DGKB: variants seen among roughly 807,000 people sequenced by gnomAD.
The protein encoded by DGKB is diacylglycerol kinase beta.
A neutral mutation model predicts 114.3 loss-of-function variants in DGKB; 67 were observed. That is an observed-to-expected ratio of 0.59 (90% CI 0.48 to 0.72). The LOEUF is 0.72. DGKB is among the 30% of genes least tolerant of loss of function. The probability of loss-of-function intolerance (pLI) is 0.00; values close to 1 mark genes in which losing one functional copy is unlikely to be tolerated. For synonymous variants in DGKB, 398 were observed against 323.1 expected (o/e 1.23, Z -2.49); for missense variants, 907 against 975.2 (o/e 0.93, Z 0.93).
At chr7:14,255,870 C>A (rs1191384402) in intron 23 of DGKB, among the ~76,000 whole-genome samples, 7 of 152,154 alleles carry the variant, frequency 4.6e-5, no homozygotes, top group Admixed American at 4.6e-4. Context: ...TGTGCTCCAA[C>A]CCCAACAAAC....
Position 14,722,997 on chromosome 7 carries a change from CTTTATTTA to C in DGKB, c.323-4320_323-4313del, listed in dbSNP as rs61621101. Among the ~76,000 whole-genome samples the C allele has an allele frequency of 3.2e-4, 47 of 148,060 alleles. No homozygotes were observed. In the South Asian group the frequency reaches 4.7e-3, roughly 15 times the overall value. On this transcript the variant is annotated intron_variant, in intron 5 of 25. Coordinates refer to ENST00000402815, the MANE Select transcript of DGKB (RefSeq NM_001350709.2). ...AGTTATTTTTACACCCTACTCTACC[CTTTATTTA>C]TTTATTTATTTATTTATTCATTTTT...
At chr7:14,837,070 T>C (rs1847263718) in intron 2 of DGKB, among the ~76,000 whole-genome samples, 1 of 152,252 alleles carries the variant, frequency 6.6e-6, no homozygotes, top group Admixed American at 6.5e-5. Context: ...ATACTTCATA[T>C]ATACTGATTC....
chr7:14,234,600 TTAA>T (rs1449140856), intron 23 of DGKB, among the ~76,000 whole-genome samples: 3 of 152,088 alleles, frequency 2.0e-5, no homozygotes, highest in African/African-American at 7.2e-5. Flanking sequence ...AAACATAGAT[TTAA>T]TAATCTGAAT....
At chr7:14,605,726 A>C (rs766236315) in intron 17 of DGKB, among the ~76,000 whole-genome samples, 6 of 152,102 alleles carry the variant, frequency 3.9e-5, no homozygotes, top group Admixed American at 6.6e-5. Flanking sequence ...GCTAAAATCA[A>C]ATTTATTCCA....
intron 1 of DGKB, among the ~76,000 whole-genome samples, chr7:14,961,941 T>C (rs1271452266): frequency 6.6e-6 from 1 of 152,110 alleles, no homozygotes; most frequent in African/African-American, 2.4e-5. Flanking sequence ...CAGCCCAAAG[T>C]ATTGCACACT....
At chr7:14,577,274 A>AT (rs1177387000) in intron 19 of DGKB, among the ~76,000 whole-genome samples, 1 of 152,168 alleles carries the variant, frequency 6.6e-6, no homozygotes, top group Non-Finnish European at 1.5e-5. Context: ...AGTCATAGAA[A>AT]TTTTTGCAAA....
At chr7:14,190,706 G>A (rs144230939) in intron 23 of DGKB, 1 of 152,138 alleles carries the variant, frequency 6.6e-6, no homozygotes, top group African/African-American at 2.4e-5. Flanking sequence ...CAAGGATGAA[G>A]TAGGAGATAT....
At chr7:14,169,415 T>C (rs1157765180) in intron 25 of DGKB, among the ~76,000 whole-genome samples, 1 of 150,000 alleles carries the variant, frequency 6.7e-6, no homozygotes, top group Non-Finnish European at 1.5e-5. Flanking sequence ...AGATAACTAC[T>C]GGAAGAAGCC....
chr7:14,170,738 ACT>A, intron 25 of DGKB, among the ~76,000 whole-genome samples: 1 of 152,200 alleles, frequency 6.6e-6, no homozygotes, highest in East Asian at 1.9e-4. Context: ...GCTCCAGAAT[ACT>A]GTTTTTCTTT....
At chr7:14,213,091 T>A (rs1370862370) in intron 23 of DGKB, among the ~76,000 whole-genome samples, 1 of 152,046 alleles carries the variant, frequency 6.6e-6, no homozygotes, top group Non-Finnish European at 1.5e-5. Context: ...AATATATCAG[T>A]TTTGTATATC....
chr7:14,903,788 G>T (rs1178612889), upstream of DGKB, among the ~76,000 whole-genome samples: 1 of 152,178 alleles, frequency 6.6e-6, no homozygotes, highest in Non-Finnish European at 1.5e-5. Context: ...TAAGAAAAAT[G>T]TAAGTAAGTC....
intron 20 of DGKB, among the ~76,000 whole-genome samples, chr7:14,561,859 G>A (rs542789152): frequency 6.6e-6 from 1 of 152,224 alleles, no homozygotes; most frequent in South Asian, 2.1e-4. Flanking sequence ...ATTCAAGCCT[G>A]CTGCAGAAAT....
chr7:14,942,431 T>G (rs993700063), intron 1 of DGKB, among the ~76,000 whole-genome samples: 2 of 151,980 alleles, frequency 1.3e-5, no homozygotes, highest in Admixed American at 1.3e-4. Context: ...ATATTTATAT[T>G]ATTAATATTA....
intron 5 of DGKB, among the ~76,000 whole-genome samples, chr7:14,733,130 C>T (rs1831160414): frequency 6.6e-6 from 1 of 152,174 alleles, no homozygotes; most frequent in African/African-American, 2.4e-5. Context: ...ACCCAAAACA[C>T]TATTAAACTG....
intron 25 of DGKB, among the ~76,000 whole-genome samples, chr7:14,167,330 A>G (rs1784756729): frequency 6.6e-6 from 1 of 152,166 alleles, no homozygotes; most frequent in Non-Finnish European, 1.5e-5. Flanking sequence ...GACTAGAGAA[A>G]GTATGTTCCC....
At chr7:14,303,653 ACTCT>A (rs755102918) in intron 23 of DGKB, among the ~76,000 whole-genome samples, 85 of 151,844 alleles carry the variant, frequency 5.6e-4, no homozygotes, top group Non-Finnish European at 9.1e-4. Flanking sequence ...TCATGGCAGT[ACTCT>A]CTATCACCTT....
chr7:14,915,536 A>T (rs1784201589), intron 1 of DGKB, among the ~76,000 whole-genome samples: 1 of 152,244 alleles, frequency 6.6e-6, no homozygotes, highest in South Asian at 2.1e-4. Flanking sequence ...GCTGCAGAAA[A>T]GCAAAGACAA....
intron 20 of DGKB, among the ~76,000 whole-genome samples, chr7:14,478,757 T>C (rs948300794): frequency 4.0e-5 from 6 of 151,606 alleles, no homozygotes; most frequent in Non-Finnish European, 8.8e-5. Flanking sequence ...GTGTAATTAA[T>C]AACAGTTTGG....
intron 13 of DGKB, among the ~76,000 whole-genome samples, chr7:14,655,424 A>G (rs188575945): frequency 6.6e-6 from 1 of 151,986 alleles, no homozygotes; most frequent in Non-Finnish European, 1.5e-5. Context: ...GGGAATTCAT[A>G]CATTGTTGGA....
Sources: gnomAD v4.1 joint callset for allele counts (sites outside exome capture counted in the v4.1 genomes callset) on GRCh38, gnomAD v4.1.1 for gene constraint, MANE v1.5 for transcripts, NCBI Gene and HGNC (gene_info 2026-07-23, HGNC 2026-07-21) for gene names.